Variants in STX2 observed in about 807,000 individuals in gnomAD.
STX2 encodes syntaxin-2.
Under a neutral mutation model 40.6 loss-of-function variants are expected in STX2, and 27 were observed. The ratio of observed to expected loss-of-function variants is 0.66; its 90% CI spans 0.49 to 0.92. STX2 has a LOEUF of 0.92. STX2 is among the 40% of genes least tolerant of loss of function. The pLI, the probability that STX2 is intolerant of heterozygous loss-of-function variation, is 0.00. For missense variants in STX2, 328 were observed against 366.1 expected (o/e 0.90, Z 0.85); for synonymous variants, 123 against 119.1 (o/e 1.03, Z -0.22).
rs1262314519 is a variant in STX2, at chr12:130,791,001, T to C, written c.*1022A>G. 1 of 152,540 alleles carries C rather than the reference T, an allele frequency of 6.6e-6. No homozygotes were observed. The highest frequency in any genetic ancestry group is 2.4e-5 in the African/African-American group (1 of 41,440). The allele number at this position is 152,540 out of a possible 1,614,324, so 9.4% of individuals were successfully genotyped here. On this transcript the variant is annotated 3_prime_UTR_variant, in exon 11 of 11. Coordinates refer to ENST00000392373, the MANE Select transcript of STX2 (RefSeq NM_194356.4). ...CTGTACAAAGGTGGCTCCAACACCATGAAGCTTCCTATTTCACTCAAAAGG... is the reference window on the plus strand; with the variant it reads ...CTGTACAAAGGTGGCTCCAACACCACGAAGCTTCCTATTTCACTCAAAAGG...
intron 1 of STX2, among the ~76,000 whole-genome samples, chr12:130,836,985 T>C (rs898960188): frequency 6.6e-6 from 1 of 152,224 alleles, no homozygotes; most frequent in Non-Finnish European, 1.5e-5. Context: ...TGACAAATAA[T>C]TGCCTTATTT....
At chr12:130,833,428 T>TTTA (rs1952647454) in intron 1 of STX2, among the ~76,000 whole-genome samples, 1 of 123,278 alleles carries the variant, frequency 8.1e-6, no homozygotes, top group Non-Finnish European at 1.8e-5. Flanking sequence ...TTTTTTTTTT[T>TTTA]GAGATGGATT....
intron 3 of STX2, among the ~76,000 whole-genome samples, chr12:130,814,131 C>A (rs1459149352): frequency 6.6e-6 from 1 of 152,100 alleles, no homozygotes; most frequent in Non-Finnish European, 1.5e-5. Flanking sequence ...GGTTTCAGAG[C>A]CAGATCAGAG....
chr12:130,831,027 G>A (rs1295723606), intron 1 of STX2, among the ~76,000 whole-genome samples: 1 of 152,216 alleles, frequency 6.6e-6, no homozygotes, highest in African/African-American at 2.4e-5. Context: ...CTCCCTGTGT[G>A]AATACTATTG....
In STX2 at chr12:130,839,057, G is replaced by C. The variant is rs893098987; in HGVS notation, c.30+13C>G. On this transcript the variant is annotated intron_variant, in intron 1 of 10. Transcript: ENST00000392373. ...CGGCCGGGCCTGAACCGCTACCCGCGGCTGCCGCTCACCGCCGTCAGGTCT... is the reference window on the plus strand; with the variant it reads ...CGGCCGGGCCTGAACCGCTACCCGCCGCTGCCGCTCACCGCCGTCAGGTCT... 63 of 1,316,834 alleles carry C rather than the reference G, an allele frequency of 4.8e-5. No homozygotes were observed. Among genetic ancestry groups the C allele is most frequent in the Non-Finnish European group, 5.2e-5 (54 of 1,028,816 alleles). The allele number at this position is 1,316,834 out of a possible 1,614,324, so 81.6% of individuals were successfully genotyped here.
At chr12:130,807,325 C>T (rs866449234) in intron 5 of STX2, among the ~76,000 whole-genome samples, 1 of 152,352 alleles carries the variant, frequency 6.6e-6, no homozygotes, top group Middle Eastern at 3.4e-3. Context: ...TAAAGAAAAC[C>T]ATGACTTTGA....
At chr12:130,807,206 G>C in intron 5 of STX2, 116 bp from the exon 6 acceptor site, 4 of 984,986 alleles carry the variant, frequency 4.1e-6, no homozygotes, top group Non-Finnish European at 6.1e-6. Context: ...CCTGCAAATG[G>C]AAAATGACAA....
chr12:130,818,329 A>G (rs1328025125), intron 3 of STX2, among the ~76,000 whole-genome samples: 1 of 147,724 alleles, frequency 6.8e-6, no homozygotes, highest in African/African-American at 2.5e-5. Flanking sequence ...GTGGGCTGAG[A>G]TCACGCAGCT....
chr12:130,806,382 C>G (rs1024180119), intron 6 of STX2, among the ~76,000 whole-genome samples: 2 of 152,186 alleles, frequency 1.3e-5, no homozygotes, highest in Admixed American at 1.3e-4. Context: ...GTCCACGGCC[C>G]CCAGTCTCAT....
In STX2 at chr12:130,791,658, G is replaced by A. The variant is rs1950879297; in HGVS notation, c.*365C>T. The A allele has an allele frequency of 2.5e-6, 1 of 401,020 alleles. No homozygotes were observed. Among genetic ancestry groups the A allele is most frequent in the African/African-American group, 2.1e-5 (1 of 48,232 alleles). 24.8% of individuals were successfully genotyped at this position (401,020 alleles called of 1,614,324 possible). A position where few individuals can be genotyped will look rare whatever the true frequency, so the allele number is the denominator to read the frequency against. On this transcript the variant is annotated 3_prime_UTR_variant, in exon 11 of 11. Coordinates refer to ENST00000392373, the MANE Select transcript of STX2 (RefSeq NM_194356.4). ...TCTTATTTCAAGGCCAGTGAGAGAA[G>A]TCTCACACTGCTCACATTCTGTAGT...
chr12:130,799,749 G>C (rs1013326556), intron 8 of STX2, among the ~76,000 whole-genome samples: 2 of 151,204 alleles, frequency 1.3e-5, no homozygotes, highest in African/African-American at 4.9e-5. Context: ...AGGAGGCAGA[G>C]GTTGCAGTGA....
At position 130,806,936 on chromosome 12, in the gene STX2, G is replaced by A. The variant is rs767699677; in HGVS notation, c.463+46C>T. On this transcript the variant is annotated intron_variant, in intron 6 of 10. Transcript: ENST00000392373. ...AAAGTCATTTGAAGTGAGACCTTAA[G>A]GGAGAAAAACATGATTTTAACAAAG... 6 of 1,544,376 alleles carry A rather than the reference G, an allele frequency of 3.9e-6. No homozygotes were observed. The East Asian group carries it at 6.8e-5, about 17-fold the overall frequency.
chr12:130,816,960 C>T lies in STX2; in HGVS notation c.206-3929G>A, dbSNP rs189207434. ...TCATCTCAATCCCTAAAATTAGATC[C>T]AGAATTGCTGGTGCTTCTAGCCATC... is the stretch of plus-strand genomic sequence containing the variant. On this transcript the variant is annotated intron_variant, in intron 3 of 10. Transcript: ENST00000392373. Among the ~76,000 whole-genome samples, 270 of 152,268 alleles carry T rather than the reference C, an allele frequency of 1.8e-3. 1 individual carries two copies. The highest frequency in any genetic ancestry group is 6.1e-3 in the Admixed American group (94 of 15,298).
Position 130,839,250 on chromosome 12 carries a change from C to T in STX2, c.-151G>A. On this transcript the variant is annotated 5_prime_UTR_variant, in exon 1 of 11. Transcript: ENST00000392373. ...GGAGCCGGCGCTGCCACGGCAACCG[C>T]GCCCCGCGCGCTCTGCGCATGCCCG... The T allele has an allele frequency of 1.7e-6, 1 of 584,512 alleles. No individual in the cohort carries two copies. Among genetic ancestry groups the T allele is most frequent in the Non-Finnish European group, 2.2e-6 (1 of 458,308 alleles). The allele number at this position is 584,512 out of a possible 1,614,324, so 36.2% of individuals were successfully genotyped here. A position where few individuals can be genotyped will look rare whatever the true frequency, so the allele number is the denominator to read the frequency against.
intron 1 of STX2, among the ~76,000 whole-genome samples, chr12:130,832,454 G>A (rs566883683): frequency 1.3e-5 from 2 of 152,228 alleles, no homozygotes; most frequent in Non-Finnish European, 2.9e-5. Flanking sequence ...GAGCCATGGG[G>A]TTTAAGCGTC....
intron 2 of STX2, among the ~76,000 whole-genome samples, chr12:130,824,828 T>G (rs910608390): frequency 2.0e-5 from 3 of 152,272 alleles, no homozygotes; most frequent in East Asian, 1.9e-4. Context: ...TTCACAGAAA[T>G]TAAGTGCAAA....
intron 1 of STX2, among the ~76,000 whole-genome samples, chr12:130,834,676 A>G (rs568712236): frequency 6.6e-6 from 1 of 152,378 alleles, no homozygotes; most frequent in South Asian, 2.1e-4. Context: ...ACAAATGAGT[A>G]AACCTATTAT....
intron 6 of STX2, among the ~76,000 whole-genome samples, chr12:130,802,646 C>T (rs1951276533): frequency 6.6e-6 from 1 of 152,172 alleles, no homozygotes; most frequent in Non-Finnish European, 1.5e-5. Context: ...TATAGGCACA[C>T]ACCCATGCCT....
intron 8 of STX2, among the ~76,000 whole-genome samples, chr12:130,800,590 G>A (rs1231715968): frequency 6.6e-6 from 1 of 152,196 alleles, no homozygotes; most frequent in Admixed American, 6.5e-5. Flanking sequence ...CCCACTTGGG[G>A]TTGATTCTTT....
Sources: allele counts gnomAD v4.1 joint callset (sites outside exome capture counted in the v4.1 genomes callset), GRCh38; gene constraint gnomAD v4.1.1; transcripts MANE v1.5; gene names NCBI Gene and HGNC (gene_info 2026-07-23, HGNC 2026-07-21).